The following DOCK10 variants were observed in gnomAD, a reference collection of about 807,000 sequenced individuals.
The protein encoded by DOCK10 is dedicator of cytokinesis 10.
Under a neutral mutation model 280.1 loss-of-function variants are expected in DOCK10, and 145 were observed. That is an observed-to-expected ratio of 0.52 (90% CI 0.45 to 0.59). The LOEUF is 0.59. Ranked by LOEUF, DOCK10 falls within the 20% of genes least tolerant of loss-of-function variation. DOCK10 has a pLI of 0.00. For synonymous variants in DOCK10, 915 were observed against 942.2 expected (o/e 0.97, Z 0.53); for missense variants, 2,368 against 2,651.7 (o/e 0.89, Z 2.35).
rs373944788 is a variant in DOCK10 at position 224,841,156 on chromosome 2, A to C, written c.2661+648T>G. Among the ~76,000 whole-genome samples the C allele has an allele frequency of 3.9e-5, 6 of 152,274 alleles. No individual in the cohort carries two copies. The East Asian group carries it at 9.6e-4, about 24-fold the overall frequency. On this transcript the variant is annotated intron_variant, in intron 23 of 55. Transcript: ENST00000258390. ...TCAAAGGATACAAAATTTCAGCTAG[A>C]TAGATAGGAGGAATATTGCACAACA...
chr2:224,995,733 G>C (rs551709974), intron 1 of DOCK10, among the ~76,000 whole-genome samples: 4 of 152,230 alleles, frequency 2.6e-5, no homozygotes, highest in African/African-American at 9.6e-5. Flanking sequence ...ACATTCCCTT[G>C]TTTTCAGGAT....
intron 7 of DOCK10, among the ~76,000 whole-genome samples, chr2:224,876,838 T>C (rs146379886): frequency 2.6e-3 from 400 of 152,292 alleles, no homozygotes; most frequent in African/African-American, 9.3e-3. Context: ...GTGAGAATCC[T>C]GGCTATGCCT....
At chr2:224,920,240 T>TTTG (rs1399536336) in intron 2 of DOCK10, among the ~76,000 whole-genome samples, 2 of 68,214 alleles carry the variant, frequency 2.9e-5, no homozygotes, top group Admixed American at 2.8e-4. Context: ...TTTTCACTTT[T>TTTG]TTTTTTTTTT....
intron 3 of DOCK10, among the ~76,000 whole-genome samples, chr2:224,908,415 T>TTGTGTGTGTG (rs57986119): frequency 8.5e-5 from 12 of 141,074 alleles, no homozygotes; most frequent in African/African-American, 3.2e-4. Context: ...TCATCATCGT[T>TTGTGTGTGTG]TGTGTGTGTG....
At chr2:225,021,143 T>C (rs977077317) in intron 1 of DOCK10, among the ~76,000 whole-genome samples, 8 of 152,204 alleles carry the variant, frequency 5.3e-5, no homozygotes, top group Non-Finnish European at 1.0e-4. Context: ...CAAAACCACA[T>C]TTCCATGTGC....
At chr2:224,922,119 C>CA (rs35964702) in intron 2 of DOCK10, among the ~76,000 whole-genome samples, 2,032 of 50,238 alleles carry the variant, frequency 0.04, 38 homozygotes, top group African/African-American at 0.054. Context: ...AACTCCATCT[C>CA]AAAAAAAAAA....
chr2:224,995,855 G>A (rs1264432436), intron 1 of DOCK10, among the ~76,000 whole-genome samples: 1 of 152,162 alleles, frequency 6.6e-6, no homozygotes, highest in African/African-American at 2.4e-5. Context: ...CCAAGAACTT[G>A]TTTTAATGTA....
At chr2:224,979,886 C>T (rs149367422) in intron 1 of DOCK10, among the ~76,000 whole-genome samples, 1 of 152,068 alleles carries the variant, frequency 6.6e-6, no homozygotes, top group Non-Finnish European at 1.5e-5. Context: ...AAACAGCATG[C>T]CCAAGGTCAC....
intron 1 of DOCK10, among the ~76,000 whole-genome samples, chr2:224,965,143 G>C (rs1372070035): frequency 6.6e-6 from 1 of 152,144 alleles, no homozygotes; most frequent in Non-Finnish European, 1.5e-5. Flanking sequence ...ATCTCATGAG[G>C]CACATTTTTC....
intron 8 of DOCK10, 34 bp downstream of exon 8, chr2:224,876,004 A>G (rs1367602664): frequency 7.5e-6 from 12 of 1,598,040 alleles, no homozygotes; most frequent in Admixed American, 1.8e-5. Context: ...GTCACACTGG[A>G]CAAAGGAAGG....
At chr2:224,845,381 C>T in intron 20 of DOCK10, 57 bp from the exon 21 acceptor site, 1 of 1,544,250 alleles carries the variant, frequency 6.5e-7, no homozygotes, top group South Asian at 1.2e-5. Flanking sequence ...GGTAAGAAGT[C>T]ACAATAATGC....
Position 224,772,035 on chromosome 2 carries a change from C to T in DOCK10, c.6204+1122G>A, listed in dbSNP as rs372513635. Reference sequence around the variant, plus strand: ...TCCCAGGTTCAAGCAATTATCCTGCCTCAGCCTCCCAACTAGCTGGGATTA... The same window carrying T: ...TCCCAGGTTCAAGCAATTATCCTGCTTCAGCCTCCCAACTAGCTGGGATTA... On this transcript the variant is annotated intron_variant, in intron 53 of 55. Coordinates refer to ENST00000258390, the MANE Select transcript of DOCK10 (RefSeq NM_014689.3). Among the ~76,000 whole-genome samples, 8 of 152,150 alleles carry T rather than the reference C, an allele frequency of 5.3e-5. No homozygotes were observed. In the East Asian group the frequency reaches 1.4e-3, roughly 26 times the overall value.
intron 1 of DOCK10, among the ~76,000 whole-genome samples, chr2:224,975,357 C>T (rs1434206708): frequency 6.6e-6 from 1 of 152,102 alleles, no homozygotes; most frequent in Non-Finnish European, 1.5e-5. Flanking sequence ...CCATGTTATA[C>T]CCATTTATGG....
At chr2:224,960,832 C>T (rs915693348) in intron 1 of DOCK10, among the ~76,000 whole-genome samples, 8 of 150,864 alleles carry the variant, frequency 5.3e-5, no homozygotes, top group African/African-American at 1.5e-4. Context: ...CTCCGCCTCC[C>T]GGGTTCACGC....
At chr2:224,893,785 G>A in intron 4 of DOCK10, 1 of 321,416 alleles carries the variant, frequency 3.1e-6, no homozygotes, top group East Asian at 9.7e-5. Flanking sequence ...CTCATAAAAA[G>A]AAATAAGCAA....
intron 18 of DOCK10, among the ~76,000 whole-genome samples, chr2:224,850,270 T>C (rs1696646629): frequency 6.6e-6 from 1 of 152,228 alleles, no homozygotes; most frequent in Admixed American, 6.5e-5. Context: ...GTACTTTCAC[T>C]ATTTTCTGAG....
At chr2:225,003,547 G>A (rs556449524) in intron 1 of DOCK10, among the ~76,000 whole-genome samples, 38 of 152,274 alleles carry the variant, frequency 2.5e-4, no homozygotes, top group African/African-American at 9.1e-4. Context: ...TGAGTGTGTT[G>A]ACTTCATGTT....
At chr2:224,789,215 T>G in intron 47 of DOCK10, 45 bp from the exon 48 acceptor site, 1 of 1,370,518 alleles carries the variant, frequency 7.3e-7, no homozygotes, top group Non-Finnish European at 1.0e-6. Flanking sequence ...TTGAGACAAA[T>G]TTTGCTTAGA....
chr2:224,784,864 C>T, intron 50 of DOCK10: 1 of 901,292 alleles, frequency 1.1e-6, no homozygotes, highest in Non-Finnish European at 1.6e-6. Flanking sequence ...GTTGCAGAAA[C>T]CATCTGGTAG....
Sources: gnomAD v4.1 joint callset for allele counts (sites outside exome capture counted in the v4.1 genomes callset) on GRCh38, gnomAD v4.1.1 for gene constraint, MANE v1.5 for transcripts, NCBI Gene and HGNC (gene_info 2026-07-23, HGNC 2026-07-21) for gene names.